ADGRL3: variants seen among roughly 807,000 people sequenced by gnomAD.
ADGRL3 encodes the protein calcium-independent alpha-latrotoxin receptor 3.
ADGRL3 carries 62 observed loss-of-function variants against 153.5 expected under a neutral mutation model. The ratio of observed to expected loss-of-function variants is 0.40; its 90% CI spans 0.33 to 0.50. The LOEUF is 0.50. ADGRL3 is among the 20% of genes least tolerant of loss of function. The pLI, the probability that ADGRL3 is intolerant of heterozygous loss-of-function variation, is 0.47. For missense variants in ADGRL3, 1,641 were observed against 1,859.4 expected (o/e 0.88, Z 2.16); for synonymous variants, 710 against 672.5 (o/e 1.06, Z -0.86).
At chr4:61,350,912 G>C (rs2096033741) in intron 1 of ADGRL3, among the ~76,000 whole-genome samples, 1 of 152,076 alleles carries the variant, frequency 6.6e-6, no homozygotes, top group South Asian at 2.1e-4. Context: ...TGACCTCTAA[G>C]TGTTGAAGTG....
intron 19 of ADGRL3, among the ~76,000 whole-genome samples, chr4:61,995,399 C>T (rs1469868714): frequency 6.6e-6 from 1 of 152,016 alleles, no homozygotes; most frequent in Admixed American, 6.6e-5. Flanking sequence ...TTTATAATCA[C>T]AGAAATATTT....
rs371621453 is a variant in ADGRL3, at chr4:61,968,605, C to G, written c.2806-10958C>G. Among the ~76,000 whole-genome samples, 8 of 152,234 alleles carry G rather than the reference C, an allele frequency of 5.3e-5. No individual in the cohort carries two copies. In the South Asian group the frequency reaches 1.0e-3, roughly 20 times the overall value. On this transcript the variant is annotated intron_variant, in intron 17 of 26. Coordinates refer to ENST00000683033, the MANE Select transcript of ADGRL3 (RefSeq NM_001387552.1). ...TATGTCTCAAAGCACATATCTTCTC[C>G]CATTTCCAGAAAGTCAAAAGGCCCA...
intron 2 of ADGRL3, among the ~76,000 whole-genome samples, chr4:61,442,872 T>G (rs766320480): frequency 3.0e-4 from 46 of 152,190 alleles, no homozygotes; most frequent in Non-Finnish European, 5.9e-4. Context: ...TTTCCAAGCA[T>G]GGAAGGCTTT....
intron 19 of ADGRL3, among the ~76,000 whole-genome samples, chr4:61,986,683 A>G (rs938692047): frequency 6.6e-6 from 1 of 152,232 alleles, no homozygotes; most frequent in Non-Finnish European, 1.5e-5. Flanking sequence ...GGGAGGGTAG[A>G]TGGAAGAGAG....
At chr4:61,793,095 CAGAG>C (rs1342354486) in intron 8 of ADGRL3, among the ~76,000 whole-genome samples, 1 of 151,956 alleles carries the variant, frequency 6.6e-6, no homozygotes, top group Non-Finnish European at 1.5e-5. Context: ...CAGGGAAAGA[CAGAG>C]AGCTTGTGCA....
At chr4:61,669,112 A>T (rs144469287) in intron 5 of ADGRL3, among the ~76,000 whole-genome samples, 1,581 of 152,330 alleles carry the variant, frequency 0.01, 31 homozygotes, top group African/African-American at 0.035. Context: ...AACGTCATTA[A>T]ACTTTTTAAT....
chr4:61,508,645 A>C (rs1380294339), intron 3 of ADGRL3, among the ~76,000 whole-genome samples: 1 of 152,144 alleles, frequency 6.6e-6, no homozygotes, highest in Non-Finnish European at 1.5e-5. Flanking sequence ...TTACAGGAGT[A>C]TATTGCATGA....
intron 3 of ADGRL3, among the ~76,000 whole-genome samples, chr4:61,505,359 T>C (rs2098420785): frequency 6.6e-6 from 1 of 152,148 alleles, no homozygotes; most frequent in African/African-American, 2.4e-5. Flanking sequence ...TTTTCTCCCA[T>C]TCTTGTGGGT....
chr4:62,024,098 ATTGAC>A (rs1201907411), intron 21 of ADGRL3, among the ~76,000 whole-genome samples: 2 of 152,156 alleles, frequency 1.3e-5, no homozygotes, highest in Non-Finnish European at 2.9e-5. Context: ...CTTATATAAC[ATTGAC>A]TTGTAGAGGA....
At chr4:61,452,840 A>G (rs759698823) in intron 2 of ADGRL3, among the ~76,000 whole-genome samples, 2 of 152,150 alleles carry the variant, frequency 1.3e-5, no homozygotes, top group Non-Finnish European at 2.9e-5. Flanking sequence ...CAAAAATGTC[A>G]ACATGTAAAA....
intron 2 of ADGRL3, among the ~76,000 whole-genome samples, chr4:61,475,180 G>A (rs1236408106): frequency 6.6e-6 from 1 of 152,100 alleles, no homozygotes; most frequent in Non-Finnish European, 1.5e-5. Context: ...TTGCTCTGTA[G>A]TAGCCTTTAT....
intron 1 of ADGRL3, among the ~76,000 whole-genome samples, chr4:61,294,583 A>G (rs1260773499): frequency 6.6e-6 from 1 of 152,168 alleles, no homozygotes; most frequent in East Asian, 1.9e-4. Flanking sequence ...TTGATAGTGC[A>G]TCAGTTTAAT....
At chr4:61,203,053 C>T (rs1486899629) in intron 1 of ADGRL3, among the ~76,000 whole-genome samples, 2 of 152,178 alleles carry the variant, frequency 1.3e-5, no homozygotes, top group Admixed American at 1.3e-4. Context: ...GACATGCGTG[C>T]GGCGCGTGAG....
At chr4:61,651,233 T>C (rs1312823380) in intron 5 of ADGRL3, among the ~76,000 whole-genome samples, 2 of 152,198 alleles carry the variant, frequency 1.3e-5, no homozygotes, top group Admixed American at 6.5e-5. Flanking sequence ...GGGATCATAT[T>C]GCAAGAATAA....
intron 8 of ADGRL3, among the ~76,000 whole-genome samples, chr4:61,771,416 C>A (rs2097084848): frequency 6.6e-6 from 1 of 152,144 alleles, no homozygotes; most frequent in Non-Finnish European, 1.5e-5. Flanking sequence ...CTCTGAAGAT[C>A]AGCCTCCAGT....
chr4:61,371,818 C>T (rs1374091983), intron 1 of ADGRL3, among the ~76,000 whole-genome samples: 1 of 152,138 alleles, frequency 6.6e-6, no homozygotes, highest in Non-Finnish European at 1.5e-5. Flanking sequence ...TAATATCCTG[C>T]AGAGTGTTTT....
intron 8 of ADGRL3, among the ~76,000 whole-genome samples, chr4:61,758,217 C>G (rs560383519): frequency 3.3e-5 from 5 of 152,276 alleles, no homozygotes; most frequent in African/African-American, 1.2e-4. Flanking sequence ...CTGGATATCC[C>G]TGAGTTCAAT....
intron 3 of ADGRL3, among the ~76,000 whole-genome samples, chr4:61,509,610 C>CTG (rs537206681): frequency 1.3e-5 from 2 of 151,436 alleles, no homozygotes; most frequent in African/African-American, 4.9e-5. Context: ...TTCTTCCATG[C>CTG]TGTGTGTGTG....
intron 9 of ADGRL3, among the ~76,000 whole-genome samples, chr4:61,874,221 A>C (rs1468969031): frequency 6.6e-6 from 1 of 152,110 alleles, no homozygotes; most frequent in Non-Finnish European, 1.5e-5. Context: ...TTCCAAGCTC[A>C]TGTGGTTGTT....
Sources: allele counts gnomAD v4.1 joint callset (sites outside exome capture counted in the v4.1 genomes callset), GRCh38; gene constraint gnomAD v4.1.1; transcripts MANE v1.5; gene names NCBI Gene and HGNC (gene_info 2026-07-23, HGNC 2026-07-21).